The following PRRX2 variants were observed in gnomAD, a reference collection of about 807,000 sequenced individuals.
The protein encoded by PRRX2 is paired related homeobox 2, also known as paired mesoderm homeobox protein 2.
Under a neutral mutation model 18.0 loss-of-function variants are expected in PRRX2, and 11 were observed. The ratio of observed to expected loss-of-function variants is 0.61; its 90% CI spans 0.39 to 1.01. The LOEUF (loss-of-function observed/expected upper bound fraction) is 1.01, where lower values mean the gene tolerates loss of function less well. Among genes scored for constraint, PRRX2 ranks in the 50% least tolerant of loss-of-function variants. The pLI is 0.01. For synonymous variants in PRRX2, 177 were observed against 154.8 expected (o/e 1.14, Z -1.06); for missense variants, 387 against 351.0 (o/e 1.10, Z -0.82).
rs534934245 is a variant in PRRX2, at chr9:129,720,857, G to A, written c.626+83G>A. On this transcript the variant is annotated intron_variant, in intron 3 of 3. Transcript: ENST00000372469. ...TTTTCCGGCCTGGACTCCTCTGAGG[G>A]TCTGGAGAGAGCTTGAATGGTGTCC... 2.6e-5 allele frequency: 36 copies of A among 1,366,906 alleles called. No homozygotes were observed. In the African/African-American group the frequency reaches 3.1e-4, roughly 12 times the overall value. The allele number at this position is 1,366,906 out of a possible 1,614,324, so 84.7% of individuals were successfully genotyped here.
chr9:129,717,704 AAAAAAAAAAAGAAAAAG>A (rs983135456), intron 1 of PRRX2, among the ~76,000 whole-genome samples: 3 of 151,488 alleles, frequency 2.0e-5, no homozygotes, highest in African/African-American at 7.3e-5. Flanking sequence ...TCAAAAAAAA[AAAAAAAAAAAGAAAAAG>A]AAAAAAGAAA....
chr9:129,684,511 CACACA>C (rs1832277666), intron 1 of PRRX2, among the ~76,000 whole-genome samples: 4 of 49,008 alleles, frequency 8.2e-5, no homozygotes, highest in Non-Finnish European at 1.5e-4. Context: ...CACACACACA[CACACA>C]CACACACCCA....
In PRRX2 at chr9:129,709,743, C is replaced by A. The variant is rs575023788; in HGVS notation, c.260-9488C>A. Among the ~76,000 whole-genome samples, 5 of 152,244 alleles carry A rather than the reference C, an allele frequency of 3.3e-5. No homozygotes were observed. In the East Asian group the frequency reaches 9.7e-4, roughly 29 times the overall value. ...AGGTGAAACATTCTTAAAAGTGTGGCAGGGCAGTGGCTGGTGGTGGCCGGC... is the reference window on the plus strand; with the variant it reads ...AGGTGAAACATTCTTAAAAGTGTGGAAGGGCAGTGGCTGGTGGTGGCCGGC... On this transcript the variant is annotated intron_variant, in intron 1 of 3. Coordinates refer to ENST00000372469, the MANE Select transcript of PRRX2 (RefSeq NM_016307.4). This position sits in a 1 kb window ranked among gnomAD's most constrained non-coding sequence, Gnocchi z 4.2.
At chr9:129,676,973 C>A (rs1303981207) in intron 1 of PRRX2, among the ~76,000 whole-genome samples, 1 of 152,214 alleles carries the variant, frequency 6.6e-6, no homozygotes, top group Non-Finnish European at 1.5e-5. Context: ...CCTTTGCCTT[C>A]CCCCTAAGAG....
At chr9:129,705,346 G>A (rs1353810844) in intron 1 of PRRX2, among the ~76,000 whole-genome samples, 1 of 152,168 alleles carries the variant, frequency 6.6e-6, no homozygotes, top group South Asian at 2.1e-4. Flanking sequence ...GAGCCACTCG[G>A]CTGCATCTGG....
At chr9:129,688,940 GTGTC>G (rs931683755) in intron 1 of PRRX2, among the ~76,000 whole-genome samples, 4 of 152,246 alleles carry the variant, frequency 2.6e-5, no homozygotes, top group Admixed American at 1.3e-4. Context: ...GGAAAGGAAA[GTGTC>G]TGTCCTGTTG....
chr9:129,673,947 C>A (rs575717686), intron 1 of PRRX2, among the ~76,000 whole-genome samples: 146 of 152,212 alleles, frequency 9.6e-4, no homozygotes, highest in Non-Finnish European at 1.9e-3. Flanking sequence ...GTCAGCATCC[C>A]GCAGGTAGGG....
At chr9:129,685,591 C>T (rs1832290862) in intron 1 of PRRX2, among the ~76,000 whole-genome samples, 1 of 152,192 alleles carries the variant, frequency 6.6e-6, no homozygotes, top group South Asian at 2.1e-4. Context: ...AGTCCTCCCA[C>T]CTCAGCCTCC....
intron 1 of PRRX2, among the ~76,000 whole-genome samples, chr9:129,669,271 G>C (rs1832069974): frequency 6.6e-6 from 1 of 152,242 alleles, no homozygotes; most frequent in South Asian, 2.1e-4. Flanking sequence ...GAAGACCGTG[G>C]CTTCGCCAGT....
At chr9:129,705,803 C>T (rs527277594) in intron 1 of PRRX2, among the ~76,000 whole-genome samples, 16 of 151,248 alleles carry the variant, frequency 1.1e-4, no homozygotes, top group African/African-American at 2.4e-4. Context: ...TGGCTGGGCA[C>T]GGTGGCTCAT....
chr9:129,721,377 G>A (rs1450598659), intron 3 of PRRX2, among the ~76,000 whole-genome samples: 2 of 152,088 alleles, frequency 1.3e-5, no homozygotes, highest in African/African-American at 2.4e-5. Context: ...GGAGGTGCTC[G>A]AGAGTCGGGC....
At chr9:129,694,050 C>T (rs1385349200) in intron 1 of PRRX2, among the ~76,000 whole-genome samples, 3 of 152,170 alleles carry the variant, frequency 2.0e-5, no homozygotes, top group Non-Finnish European at 4.4e-5. Flanking sequence ...ACCAGAGACC[C>T]TCCGAATCCT....
chr9:129,679,902 G>C (rs542605437), intron 1 of PRRX2, among the ~76,000 whole-genome samples: 12 of 152,262 alleles, frequency 7.9e-5, no homozygotes, highest in African/African-American at 2.4e-4. Flanking sequence ...GAGTGGCCCG[G>C]CTCTGCTGTG....
At chr9:129,718,767 T>C (rs983742759) in intron 1 of PRRX2, 3 of 153,558 alleles carry the variant, frequency 2.0e-5, no homozygotes, top group Non-Finnish European at 4.3e-5. Context: ...TATGACATAT[T>C]AATTATTATT....
At chr9:129,688,378 G>A (rs1421145539) in intron 1 of PRRX2, among the ~76,000 whole-genome samples, 2 of 152,088 alleles carry the variant, frequency 1.3e-5, no homozygotes, top group African/African-American at 4.8e-5. Context: ...AAATGGCTTT[G>A]AGGACTGGGA....
chr9:129,700,485 A>T (rs1832480455), intron 1 of PRRX2, among the ~76,000 whole-genome samples: 1 of 151,626 alleles, frequency 6.6e-6, no homozygotes, highest in African/African-American at 2.4e-5. Flanking sequence ...ACATGCCACC[A>T]AGCCCGGCTA....
At chr9:129,718,929 C>T (rs1461275979) in intron 1 of PRRX2, among the ~76,000 whole-genome samples, 1 of 152,118 alleles carries the variant, frequency 6.6e-6, no homozygotes, top group African/African-American at 2.4e-5. Context: ...GGGCTCTTGC[C>T]GTGGTCCCAT....
intron 2 of PRRX2, 114 bp downstream of exon 2, chr9:129,719,532 G>A: frequency 7.8e-7 from 1 of 1,289,160 alleles, no homozygotes; most frequent in South Asian, 1.8e-5. Context: ...GAGCATCTGA[G>A]GCCAGGAGGA....
chr9:129,666,755 G>A (rs1263456894), intron 1 of PRRX2, among the ~76,000 whole-genome samples: 1 of 152,228 alleles, frequency 6.6e-6, no homozygotes, highest in Admixed American at 6.5e-5. Flanking sequence ...TTGGTAAGAA[G>A]GGGAGGGACG....
Sources: allele counts gnomAD v4.1 joint callset (sites outside exome capture counted in the v4.1 genomes callset), GRCh38; gene constraint gnomAD v4.1.1; non-coding constraint Gnocchi (gnomAD v3.1); transcripts MANE v1.5; gene names NCBI Gene and HGNC (gene_info 2026-07-23, HGNC 2026-07-21).